The following PCDHGA5 variants were observed in gnomAD, a reference collection of about 807,000 sequenced individuals.
PCDHGA5 encodes the protein protocadherin gamma subfamily A, 5.
Under a neutral mutation model 56.7 loss-of-function variants are expected in PCDHGA5, and 36 were observed. The ratio of observed to expected loss-of-function variants is 0.64; its 90% CI spans 0.49 to 0.84. The LOEUF (loss-of-function observed/expected upper bound fraction) is 0.84, where lower values mean the gene tolerates loss of function less well. PCDHGA5 is among the 40% of genes least tolerant of loss of function. The pLI, the probability that PCDHGA5 is intolerant of heterozygous loss-of-function variation, is 0.00. For synonymous variants in PCDHGA5, 563 were observed against 520.2 expected (o/e 1.08, Z -1.12); for missense variants, 1,305 against 1,201.5 (o/e 1.09, Z -1.27).
Position 141,365,948 on chromosome 5 carries a change from C to T in PCDHGA5, c.1618C>T (p.Pro540Ser). Residue 540 changes from proline to serine, a missense_variant, in exon 1 of 4, where the codon CCT becomes TCT. Pro to Ser is a moderately conservative substitution (Grantham distance 74, BLOSUM62 -1). Transcript: ENST00000518069. ...LWVTASDSGN[P>S]PLSSNVSLSL... ...GGTGACAGCCAGCGACAGTGGGAAC[C>T]CTCCACTTAGCAGCAACGTGTCGCT... 6.2e-7 allele frequency: 1 copy of T among 1,614,186 alleles called. No individual in the cohort carries two copies. Among genetic ancestry groups the T allele is most frequent in the Non-Finnish European group, 8.5e-7 (1 of 1,180,020 alleles).
In PCDHGA5 at chr5:141,431,955, GA is replaced by G; in HGVS notation, c.2422-62849del. ...CCCTTTAAATTAGAAAAATCTTACG[GA>G]AATTACTATAGTTTAGTCACAGACA... On this transcript the variant is annotated intron_variant, in intron 1 of 3. Coordinates refer to ENST00000518069, the MANE Select transcript of PCDHGA5 (RefSeq NM_018918.3). The surrounding 1 kb of genome is among the most constrained non-coding windows in gnomAD (Gnocchi z 4.8). The G allele has an allele frequency of 6.2e-7, 1 of 1,614,142 alleles. No homozygotes were observed. Among genetic ancestry groups the G allele is most frequent in the Non-Finnish European group, 8.5e-7 (1 of 1,180,024 alleles).
In PCDHGA5 at chr5:141,489,750, C is replaced by T. The variant is rs753217170; in HGVS notation, c.2422-5057C>T. On this transcript the variant is annotated intron_variant, in intron 1 of 3. Coordinates refer to ENST00000518069, the MANE Select transcript of PCDHGA5 (RefSeq NM_018918.3). The surrounding 1 kb of genome is among the most constrained non-coding windows in gnomAD (Gnocchi z 4.5). ...TGGGCACCAATACTGTGAGCTTTTA[C>T]ACTCTAAGCCCCAACAGCCACTTCT... 1.2e-6 allele frequency: 2 copies of T among 1,614,098 alleles called. No homozygotes were observed. Among genetic ancestry groups the T allele is most frequent in the Admixed American group, 3.3e-5 (2 of 60,022 alleles).
intron 1 of PCDHGA5, chr5:141,403,259 C>T: frequency 6.2e-7 from 1 of 1,613,866 alleles, no homozygotes; most frequent in Admixed American, 1.7e-5. Context: ...CCCGCGGTGT[C>T]TGGTGAACTT....
intron 1 of PCDHGA5, among the ~76,000 whole-genome samples, chr5:141,445,948 G>A (rs538607380): frequency 6.6e-6 from 1 of 152,236 alleles, no homozygotes; most frequent in South Asian, 2.1e-4. Flanking sequence ...GCTTACTCTG[G>A]CTGCTATATG....
intron 1 of PCDHGA5, among the ~76,000 whole-genome samples, chr5:141,463,542 G>A (rs1376087953): frequency 7.1e-6 from 1 of 141,810 alleles, no homozygotes; most frequent in African/African-American, 2.6e-5. Context: ...TCCGGCTCCC[G>A]GGTTCATGCC....
At chr5:141,500,293 C>T (rs1380080572) in intron 2 of PCDHGA5, among the ~76,000 whole-genome samples, 3 of 151,870 alleles carry the variant, frequency 2.0e-5, no homozygotes, top group Non-Finnish European at 4.4e-5. Flanking sequence ...ACTGCAAGCT[C>T]CGCCTCCCAG....
intron 1 of PCDHGA5, among the ~76,000 whole-genome samples, chr5:141,484,092 G>A (rs1594371151): frequency 6.6e-6 from 1 of 152,102 alleles, no homozygotes; most frequent in African/African-American, 2.4e-5. Flanking sequence ...AATGGTCTTC[G>A]TTGGTAATTA....
chr5:141,389,789 C>T (rs1437335316), intron 1 of PCDHGA5: 6 of 1,613,328 alleles, frequency 3.7e-6, no homozygotes, highest in Admixed American at 3.3e-5. Flanking sequence ...ACAGGGACGC[C>T]GTCCGCCAGC....
At chr5:141,500,877 A>ATT (rs369345007) in intron 2 of PCDHGA5, among the ~76,000 whole-genome samples, 3 of 122,284 alleles carry the variant, frequency 2.5e-5, no homozygotes, top group Admixed American at 2.4e-4. Flanking sequence ...TTCATTTACA[A>ATT]TTTTTTTTTT....
intron 1 of PCDHGA5, chr5:141,441,917 A>G (rs979307331): frequency 3.1e-5 from 11 of 352,364 alleles, no homozygotes; most frequent in African/African-American, 2.0e-4. Context: ...GATGTGAGAC[A>G]CAATGCGTGG....
In PCDHGA5 at chr5:141,493,811, A is replaced by T. The variant is rs956872917; in HGVS notation, c.2422-996A>T. Reference sequence around the variant, plus strand: ...CTCCCTGGAGTAATCTGAGATACTCACACTCTCTGCTTCTGGGAGCAAGTA... The same window carrying T: ...CTCCCTGGAGTAATCTGAGATACTCTCACTCTCTGCTTCTGGGAGCAAGTA... On this transcript the variant is annotated intron_variant, in intron 1 of 3. Transcript: ENST00000518069. The surrounding 1 kb of genome is among the most constrained non-coding windows in gnomAD (Gnocchi z 4.3). Among the ~76,000 whole-genome samples the T allele has an allele frequency of 1.3e-5, 2 of 152,154 alleles. No homozygotes were observed. The highest frequency in any genetic ancestry group is 2.9e-5 in the Non-Finnish European group (2 of 68,036).
At position 141,505,504 on chromosome 5, in the gene PCDHGA5, T is replaced by C. The variant is rs756583857; in HGVS notation, c.2569+23T>C. The C allele has an allele frequency of 9.3e-6, 15 of 1,614,020 alleles. No individual in the cohort carries two copies. The African/African-American group carries it at 1.2e-4, about 13-fold the overall frequency. ...GTGGTAAGTGGTGTCAGTGTGTGTA[T>C]GGAAGAGTGGGAGACCTGGGGTTCT... On this transcript the variant is annotated intron_variant, in intron 3 of 3. Transcript: ENST00000518069.
At position 141,486,045 on chromosome 5, in the gene PCDHGA5, A is replaced by G. The variant is rs2099623524; in HGVS notation, c.2422-8762A>G. The G allele has an allele frequency of 4.3e-6, 7 of 1,613,428 alleles. No individual in the cohort carries two copies. The highest frequency in any genetic ancestry group is 5.1e-6 in the Non-Finnish European group (6 of 1,179,858). ...GGTCATACCCCTGATCGTGTAAGAA[A>G]CCTCTTTAGCCTGCACCCCACTACT... On this transcript the variant is annotated intron_variant, in intron 1 of 3. Coordinates refer to ENST00000518069, the MANE Select transcript of PCDHGA5 (RefSeq NM_018918.3). This position sits in a 1 kb window ranked among gnomAD's most constrained non-coding sequence, Gnocchi z 5.0.
At chr5:141,460,951 G>GTATATATA (rs200454978) in intron 1 of PCDHGA5, among the ~76,000 whole-genome samples, 42 of 139,772 alleles carry the variant, frequency 3.0e-4, no homozygotes, top group African/African-American at 1.1e-3. Context: ...TATGTATTAT[G>GTATATATA]TATATATATA....
intron 1 of PCDHGA5, chr5:141,413,729 GAGTTC>G: frequency 6.2e-7 from 1 of 1,613,496 alleles, no homozygotes; most frequent in Non-Finnish European, 8.5e-7. Flanking sequence ...TTCTCCCTAA[GAGTTC>G]AGAGCCGTGC....
chr5:141,376,578 AT>A (rs1281725359), intron 1 of PCDHGA5: 1 of 1,590,896 alleles, frequency 6.3e-7, no homozygotes, highest in South Asian at 1.1e-5. Flanking sequence ...AGACAGGCTC[AT>A]CAGCTAGATC....
intron 1 of PCDHGA5, among the ~76,000 whole-genome samples, chr5:141,401,837 A>G (rs1302723544): frequency 6.6e-6 from 1 of 152,198 alleles, no homozygotes; most frequent in Non-Finnish European, 1.5e-5. Context: ...ATTTCTTATA[A>G]TACCACTTAC....
rs778744503 is a variant in PCDHGA5, at chr5:141,511,152, G to A, written c.2775G>A (p.Ser925=). Residue 925 remains serine (S), a synonymous_variant, in exon 4 of 4, where the codon TCG becomes TCA. Transcript: ENST00000518069. The part of the protein sequence containing the change: ...PAGGNGNKKK[S]GKKEKK ...GTGGCAATGGCAACAAGAAGAAGTCGGGCAAGAAGGAGAAGAAGTAACATG... is the reference window on the plus strand; with the variant it reads ...GTGGCAATGGCAACAAGAAGAAGTCAGGCAAGAAGGAGAAGAAGTAACATG... The A allele has an allele frequency of 2.0e-5, 32 of 1,614,022 alleles. No individual in the cohort carries two copies. Among genetic ancestry groups the A allele is most frequent in the South Asian group, 4.4e-5 (4 of 91,090 alleles).
chr5:141,441,327 C>T (rs973149197), intron 1 of PCDHGA5: 2 of 152,196 alleles, frequency 1.3e-5, no homozygotes, highest in Admixed American at 6.5e-5. Flanking sequence ...AAAAATCTTC[C>T]TCCAATAATT....
Sources: gnomAD v4.1 joint callset for allele counts (sites outside exome capture counted in the v4.1 genomes callset) on GRCh38, gnomAD v4.1.1 for gene constraint, Gnocchi (gnomAD v3.1) non-coding constraint, MANE v1.5 for transcripts, NCBI Gene and HGNC (gene_info 2026-07-23, HGNC 2026-07-21) for gene names.